PTPRT: variants seen among roughly 807,000 people sequenced by gnomAD.
PTPRT encodes protein tyrosine phosphatase receptor type T, also known as receptor-type tyrosine-protein phosphatase T.
Under a neutral mutation model 176.8 loss-of-function variants are expected in PTPRT, and 56 were observed. The ratio of observed to expected loss-of-function variants is 0.32; its 90% CI spans 0.26 to 0.40. The LOEUF (loss-of-function observed/expected upper bound fraction) is 0.40, where lower values mean the gene tolerates loss of function less well. PTPRT is among the 10% of genes least tolerant of loss of function. PTPRT has a pLI of 1.00. For missense variants in PTPRT, 1,540 were observed against 1,908.2 expected, an observed-to-expected ratio of 0.81 and a Z score of 3.60; for synonymous variants, 783 against 739.0, an observed-to-expected ratio of 1.06 and a Z score of -0.96.
At chr20:42,526,244 G>T (rs1035643099) in intron 7 of PTPRT, among the ~76,000 whole-genome samples, 4 of 152,172 alleles carry the variant, frequency 2.6e-5, no homozygotes, top group African/African-American at 9.6e-5. Context: ...TCATTCTTCA[G>T]TGTTTTCTTT....
At chr20:43,103,750 GTAA>G (rs3092031) in intron 1 of PTPRT, among the ~76,000 whole-genome samples, 19 of 146,082 alleles carry the variant, frequency 1.3e-4, no homozygotes, top group South Asian at 4.4e-4. Flanking sequence ...GGGGAGATCA[GTAA>G]TAATAATAAT....
At chr20:42,264,157 C>A (rs1228575220) in intron 13 of PTPRT, among the ~76,000 whole-genome samples, 2 of 152,068 alleles carry the variant, frequency 1.3e-5, no homozygotes, top group Non-Finnish European at 2.9e-5. Context: ...GAGAATATCC[C>A]AGGAGAGAAA....
intron 1 of PTPRT, among the ~76,000 whole-genome samples, chr20:42,948,770 C>A (rs1203600125): frequency 6.6e-6 from 1 of 152,160 alleles, no homozygotes; most frequent in African/African-American, 2.4e-5. Flanking sequence ...TTTGCTTATG[C>A]CATTTTGGGT....
chr20:42,251,413 G>C (rs558346628), intron 13 of PTPRT, among the ~76,000 whole-genome samples: 1 of 152,322 alleles, frequency 6.6e-6, no homozygotes, highest in African/African-American at 2.4e-5. Flanking sequence ...AACAGGAACA[G>C]TTCCTGCTCT....
At chr20:42,269,515 C>T (rs1167190347) in intron 13 of PTPRT, among the ~76,000 whole-genome samples, 1 of 152,216 alleles carries the variant, frequency 6.6e-6, no homozygotes, top group African/African-American at 2.4e-5. Flanking sequence ...TCTAGGTCAG[C>T]AGATTATCTT....
At chr20:42,590,794 A>G (rs1380599104) in intron 7 of PTPRT, among the ~76,000 whole-genome samples, 1 of 152,184 alleles carries the variant, frequency 6.6e-6, no homozygotes, top group East Asian at 1.9e-4. Flanking sequence ...TCACTTAAAA[A>G]CATATTATAA....
intron 5 of PTPRT, among the ~76,000 whole-genome samples, chr20:42,770,965 C>T (rs946494627): frequency 7.2e-5 from 11 of 152,196 alleles, no homozygotes; most frequent in African/African-American, 2.2e-4. Flanking sequence ...ATCAGAGGAA[C>T]AGAAGTACTT....
intron 7 of PTPRT, among the ~76,000 whole-genome samples, chr20:42,545,011 G>A (rs2072649891): frequency 6.6e-6 from 1 of 152,062 alleles, no homozygotes; most frequent in Admixed American, 6.6e-5. Flanking sequence ...TCCAAGGCCT[G>A]GGCAGAAAAC....
At chr20:42,826,158 C>G (rs750205158) in intron 2 of PTPRT, among the ~76,000 whole-genome samples, 4 of 152,036 alleles carry the variant, frequency 2.6e-5, no homozygotes, top group African/African-American at 7.2e-5. Context: ...GGCAAAACCA[C>G]GGGTGATCCA....
chr20:42,632,076 T>C (rs566594714), intron 7 of PTPRT, among the ~76,000 whole-genome samples: 1 of 152,232 alleles, frequency 6.6e-6, no homozygotes, highest in Non-Finnish European at 1.5e-5. Flanking sequence ...CCTATGTGAC[T>C]AGCCCCCAGT....
intron 16 of PTPRT, among the ~76,000 whole-genome samples, chr20:42,190,876 G>C (rs1386560547): frequency 6.6e-6 from 1 of 152,126 alleles, no homozygotes; most frequent in Non-Finnish European, 1.5e-5. Context: ...GGCTGACCTA[G>C]GTTTGAGTTC....
rs529632192 is a variant in PTPRT at position 42,946,328 on chromosome 20, A to G, written c.89-60396T>C. Among the ~76,000 whole-genome samples, 24 of 152,356 alleles carry G rather than the reference A, an allele frequency of 1.6e-4. No individual in the cohort carries two copies. The East Asian group carries it at 4.4e-3, about 28-fold the overall frequency. On this transcript the variant is annotated intron_variant, in intron 1 of 30. Transcript: ENST00000373187. The stretch of plus-strand genomic sequence containing the variant: ...GTGGACCAGACCCATTGAGGACACC[A>G]GAGTCCAGCCCTGGCCAGTCCTGGG...
At chr20:42,632,660 C>T (rs1485949734) in intron 7 of PTPRT, among the ~76,000 whole-genome samples, 1 of 149,490 alleles carries the variant, frequency 6.7e-6, no homozygotes, top group East Asian at 1.9e-4. Context: ...TGTAATATTA[C>T]TAATTTTACT....
chr20:42,478,987 C>T (rs1294467682), intron 7 of PTPRT, among the ~76,000 whole-genome samples: 3 of 152,118 alleles, frequency 2.0e-5, no homozygotes, highest in Non-Finnish European at 4.4e-5. Context: ...AGGGGAAAAG[C>T]AATAAGTAGA....
chr20:42,734,129 G>C (rs2076502841), intron 6 of PTPRT, among the ~76,000 whole-genome samples: 1 of 152,180 alleles, frequency 6.6e-6, no homozygotes, highest in African/African-American at 2.4e-5. Context: ...TAGGGACCAG[G>C]AGAATTTGAG....
chr20:42,981,088 C>G (rs1983245259), intron 1 of PTPRT, among the ~76,000 whole-genome samples: 1 of 152,158 alleles, frequency 6.6e-6, no homozygotes, highest in East Asian at 1.9e-4. Flanking sequence ...TTAAGAATTC[C>G]TCGTCCCTTT....
At chr20:42,825,303 TTAC>T (rs2077973290) in intron 2 of PTPRT, among the ~76,000 whole-genome samples, 1 of 152,106 alleles carries the variant, frequency 6.6e-6, no homozygotes, top group Admixed American at 6.6e-5. Context: ...CACGACAGTA[TTAC>T]TGTACTGAAA....
intron 7 of PTPRT, among the ~76,000 whole-genome samples, chr20:42,512,984 T>C (rs2071985758): frequency 6.6e-6 from 1 of 152,050 alleles, no homozygotes; most frequent in African/African-American, 2.4e-5. Flanking sequence ...CTCAGCCTTT[T>C]GAGTAGCTGA....
At chr20:42,105,102 A>C (rs1986311961) in intron 24 of PTPRT, among the ~76,000 whole-genome samples, 1 of 152,170 alleles carries the variant, frequency 6.6e-6, no homozygotes, top group Non-Finnish European at 1.5e-5. Context: ...GCTGTGTGGA[A>C]AGGAACCCTC....
Sources: allele counts gnomAD v4.1 joint callset (sites outside exome capture counted in the v4.1 genomes callset), GRCh38; gene constraint gnomAD v4.1.1; transcripts MANE v1.5; gene names NCBI Gene and HGNC (gene_info 2026-07-23, HGNC 2026-07-21).